Variants in CNTFR observed in about 807,000 individuals in gnomAD.
CNTFR encodes the protein ciliary neurotrophic factor receptor subunit alpha.
In CNTFR, 12 loss-of-function variants were observed where a neutral mutation model predicts 40.4. The ratio of observed to expected loss-of-function variants is 0.30; its 90% CI spans 0.19 to 0.48. The LOEUF is 0.48. Among genes scored for constraint, CNTFR ranks in the 20% least tolerant of loss-of-function variants. The pLI, the probability that CNTFR is intolerant of heterozygous loss-of-function variation, is 0.99. For missense variants in CNTFR, 414 were observed against 506.8 expected, an observed-to-expected ratio of 0.82 and a Z score of 1.76; for synonymous variants, 202 against 209.6, an observed-to-expected ratio of 0.96 and a Z score of 0.31.
rs1328004660 is a variant in CNTFR at position 34,551,840 on chromosome 9, G to A, written c.*231C>T. The A allele has an allele frequency of 3.1e-6, 2 of 642,858 alleles. No individual in the cohort carries two copies. Among genetic ancestry groups the A allele is most frequent in the Non-Finnish European group, 5.6e-6 (2 of 356,998 alleles). The allele number at this position is 642,858 out of a possible 1,614,324, so 39.8% of individuals were successfully genotyped here. On this transcript the variant is annotated 3_prime_UTR_variant, in exon 10 of 10. Transcript: ENST00000378980. ...GCCAGGGTGAGGGGGTCTTTGGTGG[G>A]TGGGTTAGCTGCATGGCCCACCTCC... is the stretch of plus-strand genomic sequence containing the variant.
chr9:34,583,957 C>G (rs989371667), intron 1 of CNTFR, among the ~76,000 whole-genome samples: 3 of 152,126 alleles, frequency 2.0e-5, no homozygotes, highest in African/African-American at 7.2e-5. Flanking sequence ...AGAGGGGCTA[C>G]GCAAAGACCT....
At position 34,552,968 on chromosome 9, in the gene CNTFR, G is replaced by T; in HGVS notation, c.769-114C>A. On this transcript the variant is annotated intron_variant, in intron 7 of 9. Coordinates refer to ENST00000378980, the MANE Select transcript of CNTFR (RefSeq NM_147164.3). The surrounding 1 kb of genome is among the most constrained non-coding windows in gnomAD (Gnocchi z 5.1). ...GAGAGGAGAGTAAAGGGCTCTGGGGGCAGTGAGGACTTCCCTGAGGAGAAG... is the reference window on the plus strand; with the variant it reads ...GAGAGGAGAGTAAAGGGCTCTGGGGTCAGTGAGGACTTCCCTGAGGAGAAG... 1.0e-6 allele frequency: 1 copy of T among 983,684 alleles called. No homozygotes were observed. The allele number at this position is 983,684 out of a possible 1,614,324, so 60.9% of individuals were successfully genotyped here.
chr9:34,559,500 G>C (rs1280382696), intron 4 of CNTFR, among the ~76,000 whole-genome samples: 2 of 152,190 alleles, frequency 1.3e-5, no homozygotes, highest in Non-Finnish European at 2.9e-5. Flanking sequence ...GCCTTCCACT[G>C]TGTGCCTCCC....
At chr9:34,574,118 A>G (rs1333103622) in intron 2 of CNTFR, among the ~76,000 whole-genome samples, 3 of 135,738 alleles carry the variant, frequency 2.2e-5, no homozygotes, top group Middle Eastern at 3.6e-3. Context: ...CAGAGGCCTG[A>G]GCGGTCCAGA....
Position 34,552,962 on chromosome 9 carries a change from CTG to C in CNTFR, c.769-110_769-109del. ...TCTGAGGAGAGGAGAGTAAAGGGCT[CTG>C]GGGGCAGTGAGGACTTCCCTGAGGA... On this transcript the variant is annotated intron_variant, in intron 7 of 9. Coordinates refer to ENST00000378980, the MANE Select transcript of CNTFR (RefSeq NM_147164.3). This position sits in a 1 kb window ranked among gnomAD's most constrained non-coding sequence, Gnocchi z 5.1. The C allele has an allele frequency of 9.3e-7, 1 of 1,071,388 alleles. No homozygotes were observed. Among genetic ancestry groups the C allele is most frequent in the Non-Finnish European group, 1.4e-6 (1 of 733,710 alleles). 66.4% of individuals were successfully genotyped at this position (1,071,388 alleles called of 1,614,324 possible).
chr9:34,569,145 G>T (rs1345523900), intron 2 of CNTFR, among the ~76,000 whole-genome samples, 164 bp from the exon 3 acceptor site: 1 of 152,218 alleles, frequency 6.6e-6, no homozygotes, highest in African/African-American at 2.4e-5. Context: ...ACACGGAGTA[G>T]GAGGTGGGAA....
At position 34,556,368 on chromosome 9, in the gene CNTFR, G is replaced by A; in HGVS notation, c.655C>T (p.Pro219Ser). The A allele has an allele frequency of 6.2e-7, 1 of 1,613,912 alleles. No individual in the cohort carries two copies. The highest frequency in any genetic ancestry group is 8.5e-7 in the Non-Finnish European group (1 of 1,179,958). ...NVVARPVPSN[P>S]RRLEVTWQTP... ...TGCCACGTCACCTCCAGCCGGCGAG[G>A]GTTGCTGGGCACTGGCCGGGCTACC... The change falls in exon 7 of 10, where the codon CCT becomes TCT. Residue 219 changes from proline (P) to serine (S), a missense_variant. By Grantham distance (74) the Pro-to-Ser change is moderately conservative (BLOSUM62 -1). This residue lies in a region of CNTFR where 83 missense variants were observed against 145.0 expected (regional missense o/e 0.57). Transcript: ENST00000378980.
At chr9:34,569,417 AAAT>A (rs1179362573) in intron 2 of CNTFR, 1 of 171,336 alleles carries the variant, frequency 5.8e-6, no homozygotes, top group African/African-American at 2.4e-5. Context: ...CTAAAAAAAA[AAAT>A]AACTTTACTG....
At chr9:34,561,750 T>C (rs1826086346) in intron 4 of CNTFR, among the ~76,000 whole-genome samples, 1 of 152,226 alleles carries the variant, frequency 6.6e-6, no homozygotes, top group African/African-American at 2.4e-5. Flanking sequence ...GCAGGAAGGA[T>C]AATTTGATAC....
chr9:34,566,158 T>C (rs1207117495), intron 3 of CNTFR, among the ~76,000 whole-genome samples: 1 of 151,820 alleles, frequency 6.6e-6, no homozygotes, highest in Non-Finnish European at 1.5e-5. Context: ...CCTCCTCCCA[T>C]TGCAGCCCCC....
chr9:34,554,355 A>G (rs1111070), intron 7 of CNTFR, among the ~76,000 whole-genome samples: 149,636 of 152,270 alleles, frequency 0.98, 73,559 homozygotes, highest in East Asian at 1. Context: ...TCAAATTGCC[A>G]CCTCATTGTG....
chr9:34,578,873 T>G (rs918785335), intron 2 of CNTFR, among the ~76,000 whole-genome samples: 1 of 152,224 alleles, frequency 6.6e-6, no homozygotes, highest in Non-Finnish European at 1.5e-5. Flanking sequence ...GACAGTGCAA[T>G]GCCACCCGTC....
intron 2 of CNTFR, 85 bp from the exon 3 acceptor site, chr9:34,569,066 G>C (rs1826454101): frequency 1.5e-6 from 2 of 1,316,572 alleles, no homozygotes; most frequent in Non-Finnish European, 2.1e-6. Context: ...TCTCAGGCAA[G>C]ACTGGGAAAT....
chr9:34,557,946 T>A lies in CNTFR; in HGVS notation c.358A>T (p.Thr120Ser). 6.4e-7 allele frequency: 1 copy of A among 1,565,278 alleles called. No individual in the cohort carries two copies. Among genetic ancestry groups the A allele is most frequent in the Non-Finnish European group, 8.7e-7 (1 of 1,155,924 alleles). ...REPVLSCRSNTYPKGFYCSWH... is the reference protein window; with the variant it reads ...REPVLSCRSNSYPKGFYCSWH... ...CTGCAGTAGAAGCCCTTGGGGTAAGTGTTGGAGCGGCAGCTGAGCACAGGC... is the reference window on the plus strand; with the variant it reads ...CTGCAGTAGAAGCCCTTGGGGTAAGAGTTGGAGCGGCAGCTGAGCACAGGC... The change falls in exon 5 of 10, where the codon ACT (threonine) becomes TCT (serine). Residue 120 changes from threonine (T) to serine (S), a missense_variant. Around this residue, in one of 3 missense-constraint regions of CNTFR, gnomAD observed 250 missense variants for 269.5 expected, o/e 0.93. Transcript: ENST00000378980. The surrounding 1 kb of genome is among the most constrained non-coding windows in gnomAD (Gnocchi z 4.2).
chr9:34,570,286 G>A (rs983500996), intron 2 of CNTFR, among the ~76,000 whole-genome samples: 2 of 152,148 alleles, frequency 1.3e-5, no homozygotes, highest in African/African-American at 2.4e-5. Flanking sequence ...AAGCCAAAGA[G>A]ACAGGTAGAT....
In CNTFR at chr9:34,551,875, G is replaced by T; in HGVS notation, c.*196C>A. On this transcript the variant is annotated 3_prime_UTR_variant, in exon 10 of 10. Transcript: ENST00000378980. ...TGCATGGCCCACCTCCCCTGAGGGA[G>T]GAAGGAGGGCCAGCTTGGTGCGGCA... The T allele has an allele frequency of 1.5e-6, 1 of 684,486 alleles. No homozygotes were observed. Among genetic ancestry groups the T allele is most frequent in the South Asian group, 1.6e-5 (1 of 62,814 alleles). 42.4% of individuals were successfully genotyped at this position (684,486 alleles called of 1,614,324 possible). A position where few individuals can be genotyped will look rare whatever the true frequency, so the allele number is the denominator to read the frequency against.
intron 7 of CNTFR, among the ~76,000 whole-genome samples, chr9:34,555,711 T>G (rs995736898): frequency 6.6e-6 from 1 of 152,068 alleles, no homozygotes; most frequent in Non-Finnish European, 1.5e-5. Context: ...TGGACCAGGC[T>G]TGACCCCACT....
intron 4 of CNTFR, among the ~76,000 whole-genome samples, chr9:34,559,809 G>A (rs1587127516): frequency 6.6e-6 from 1 of 152,274 alleles, no homozygotes; most frequent in East Asian, 1.9e-4. Flanking sequence ...TGCTGCCCCG[G>A]ACTCCTCGGA....
intron 2 of CNTFR, among the ~76,000 whole-genome samples, chr9:34,580,578 G>A (rs754264127): frequency 3.3e-5 from 5 of 152,168 alleles, no homozygotes; most frequent in Non-Finnish European, 7.3e-5. Context: ...CTTCCGTTCC[G>A]CTCCAGTGCC....
Sources: allele counts gnomAD v4.1 joint callset (sites outside exome capture counted in the v4.1 genomes callset), GRCh38; gene constraint gnomAD v4.1.1; regional missense constraint gnomAD v4.1.1; non-coding constraint Gnocchi (gnomAD v3.1); transcripts MANE v1.5; gene names NCBI Gene and HGNC (gene_info 2026-07-23, HGNC 2026-07-21).